Variants in ACTR3C observed in about 807,000 individuals in gnomAD.
The protein encoded by ACTR3C is actin-related protein 3C.
A neutral mutation model predicts 26.3 loss-of-function variants in ACTR3C; 18 were observed. The observed-to-expected ratio is 0.68, with a 90% CI of 0.47 to 1.01. The LOEUF (loss-of-function observed/expected upper bound fraction) is 1.01. ACTR3C is among the 50% of genes least tolerant of loss of function. The pLI, the probability that ACTR3C is intolerant of heterozygous loss-of-function variation, is 0.00. For synonymous variants in ACTR3C, 55 were observed against 94.5 expected, an observed-to-expected ratio of 0.58 and a Z score of 2.42; for missense variants, 184 against 250.7, an observed-to-expected ratio of 0.73 and a Z score of 1.80.
intron 6 of ACTR3C, among the ~76,000 whole-genome samples, chr7:150,284,389 C>G (rs1331135810): frequency 6.6e-6 from 1 of 151,940 alleles, no homozygotes; most frequent in African/African-American, 2.4e-5. Context: ...GAAACACACA[C>G]AAAAAAATTC....
chr7:150,279,830 T>G (rs1835171498), intron 6 of ACTR3C, among the ~76,000 whole-genome samples: 2 of 152,328 alleles, frequency 1.3e-5, no homozygotes, highest in African/African-American at 2.4e-5. Flanking sequence ...TTAATGACAT[T>G]TAGCTTGTAG....
the ACTR3C span, among the ~76,000 whole-genome samples, chr7:150,197,493 A>C: frequency 6.6e-6 from 1 of 152,248 alleles, no homozygotes; most frequent in Non-Finnish European, 1.5e-5. Context: ...GATTTTAAAA[A>C]AGTGAGGAGC....
the ACTR3C span, among the ~76,000 whole-genome samples, chr7:149,994,835 G>A: frequency 8.9e-5 from 13 of 145,348 alleles, no homozygotes; most frequent in South Asian, 1.3e-3. Context: ...AGCAAGAAGT[G>A]TTAACATTCT....
chr7:149,898,632 C>T, the ACTR3C span, among the ~76,000 whole-genome samples: 1 of 150,714 alleles, frequency 6.6e-6, no homozygotes, highest in Non-Finnish European at 1.5e-5. Context: ...TGCTTGAACC[C>T]AGGAGGTGGA....
the ACTR3C span, among the ~76,000 whole-genome samples, chr7:150,198,168 T>G: frequency 6.7e-6 from 1 of 150,304 alleles, no homozygotes; most frequent in African/African-American, 2.5e-5. Context: ...CAGGCTGGAG[T>G]GCAGTGGCGT....
At chr7:149,909,640 C>A in the ACTR3C span, 1 of 415,502 alleles carries the variant, frequency 2.4e-6, no homozygotes, top group African/African-American at 3.3e-5. Context: ...AAGGATAGAG[C>A]TTTACTTACA....
the ACTR3C span, among the ~76,000 whole-genome samples, chr7:150,031,465 C>T: frequency 6.6e-6 from 1 of 152,028 alleles, no homozygotes; most frequent in Non-Finnish European, 1.5e-5. Flanking sequence ...TCCTGAAGCC[C>T]TCATGCAGGC....
At chr7:150,120,605 C>T in the ACTR3C span, among the ~76,000 whole-genome samples, 1 of 151,632 alleles carries the variant, frequency 6.6e-6, no homozygotes, top group Non-Finnish European at 1.5e-5. Flanking sequence ...AGCCTACCAA[C>T]CAAAAAAAAA....
chr7:150,308,507 G>A (rs1362616592), intron 1 of ACTR3C, among the ~76,000 whole-genome samples: 11 of 152,038 alleles, frequency 7.2e-5, no homozygotes, highest in Middle Eastern at 3.4e-3. Context: ...TTTATACTTC[G>A]TTCCCTCCCT....
chr7:150,101,434 G>A, the ACTR3C span, among the ~76,000 whole-genome samples: 11 of 151,724 alleles, frequency 7.3e-5, 1 homozygote, highest in African/African-American at 2.7e-4. Context: ...GAAAGTTGTA[G>A]CCCCAGGGAA....
the ACTR3C span, among the ~76,000 whole-genome samples, chr7:150,138,881 T>C: frequency 3.3e-5 from 5 of 152,308 alleles, no homozygotes; most frequent in Admixed American, 2.6e-4. Flanking sequence ...CAAACCCTAC[T>C]GTGAACTGAG....
At chr7:150,047,857 G>C in the ACTR3C span, 2 of 1,499,826 alleles carry the variant, frequency 1.3e-6, no homozygotes, top group Non-Finnish European at 1.8e-6. Context: ...GAAGCCATCG[G>C]GCACCGCGCT....
intron 1 of ACTR3C, among the ~76,000 whole-genome samples, chr7:150,321,950 C>T (rs993432524): frequency 2.0e-5 from 3 of 152,124 alleles, no homozygotes; most frequent in Non-Finnish European, 2.9e-5. Flanking sequence ...CGGGCCAGCC[C>T]CTTGAATATG....
chr7:150,183,388 C>T, the ACTR3C span, among the ~76,000 whole-genome samples: 1 of 149,450 alleles, frequency 6.7e-6, no homozygotes, highest in Non-Finnish European at 1.5e-5. Flanking sequence ...TAAACATCAA[C>T]ATTGTTTCCA....
chr7:149,894,038 T>C, the ACTR3C span, among the ~76,000 whole-genome samples: 3 of 152,158 alleles, frequency 2.0e-5, no homozygotes, highest in African/African-American at 7.2e-5. Context: ...AAGTACACTA[T>C]AAAGCTACAG....
the ACTR3C span, chr7:150,002,572 T>G: frequency 1.6e-4 from 24 of 152,292 alleles, no homozygotes; most frequent in African/African-American, 5.5e-4. Context: ...TCGCAAAGCA[T>G]CCCGGGAAAC....
At chr7:149,941,710 T>C in the ACTR3C span, among the ~76,000 whole-genome samples, 3 of 152,274 alleles carry the variant, frequency 2.0e-5, no homozygotes, top group South Asian at 6.2e-4. Context: ...GGATCCCCAC[T>C]GGGATGGGAA....
the ACTR3C span, among the ~76,000 whole-genome samples, chr7:149,956,881 G>A: frequency 6.6e-6 from 1 of 152,090 alleles, no homozygotes; most frequent in Admixed American, 6.5e-5. Flanking sequence ...ATCTTCCCAC[G>A]GGCTACTCCT....
the ACTR3C span, among the ~76,000 whole-genome samples, chr7:150,197,845 T>TCCCTCTCCCCTCTCCCCTCTC: frequency 6.7e-6 from 1 of 148,586 alleles, no homozygotes; most frequent in African/African-American, 2.6e-5. Flanking sequence ...TTTAACATAG[T>TCCCTCTCCCCTCTCCCCTCTC]CCCTCTCCCC....
Sources: gnomAD v4.1 joint callset for allele counts (sites outside exome capture counted in the v4.1 genomes callset) on GRCh38, gnomAD v4.1.1 for gene constraint, MANE v1.5 for transcripts, NCBI Gene and HGNC (gene_info 2026-07-23, HGNC 2026-07-21) for gene names.